FYB1: variants seen among roughly 807,000 people sequenced by gnomAD.
FYB1 encodes FYN binding protein 1.
FYB1 carries 41 observed loss-of-function variants against 94.1 expected under a neutral mutation model. That is an observed-to-expected ratio of 0.44 (90% CI 0.34 to 0.57). The LOEUF (loss-of-function observed/expected upper bound fraction) is 0.57, where lower values mean the gene tolerates loss of function less well. Among genes scored for constraint, FYB1 ranks in the 20% least tolerant of loss-of-function variants. FYB1 has a pLI of 0.02. For synonymous variants in FYB1, 367 were observed against 353.2 expected, an observed-to-expected ratio of 1.04 and a Z score of -0.44; for missense variants, 1,050 against 976.8, an observed-to-expected ratio of 1.07 and a Z score of -1.00.
intron 3 of FYB1, among the ~76,000 whole-genome samples, chr5:39,151,640 T>C (rs1427936745): frequency 6.6e-6 from 1 of 152,118 alleles, no homozygotes; most frequent in Non-Finnish European, 1.5e-5. Flanking sequence ...TTTGCAGGGG[T>C]CTTTGTTTGT....
At chr5:39,201,676 A>C in intron 2 of FYB1, 150 bp downstream of exon 2, 1 of 739,588 alleles carries the variant, frequency 1.4e-6, no homozygotes, top group Non-Finnish European at 2.1e-6. Flanking sequence ...TCCCACATGA[A>C]AGAAAAAAAC....
chr5:39,233,784 T>C (rs79376628), intron 1 of FYB1, among the ~76,000 whole-genome samples: 13,473 of 152,172 alleles, frequency 0.089, 691 homozygotes, highest in Non-Finnish European at 0.11. Flanking sequence ...CATACAGACA[T>C]GTAGTTGGAA....
chr5:39,178,950 C>T (rs1745976074), intron 2 of FYB1, among the ~76,000 whole-genome samples: 1 of 152,160 alleles, frequency 6.6e-6, no homozygotes, highest in Non-Finnish European at 1.5e-5. Context: ...CTATCTAGCC[C>T]TGGCTTTCCG....
Position 39,105,363 on chromosome 5 carries a change from C to A in FYB1, c.*2080G>T, listed in dbSNP as rs939695149. On this transcript the variant is annotated 3_prime_UTR_variant, in exon 19 of 19. Transcript: ENST00000512982. ...ATATTAAAATTAATACTTCAAATAT[C>A]TTTCACATTAAGATGATTATCTATT... 2.8e-4 allele frequency: 43 copies of A among 152,260 alleles called. No homozygotes were observed. Among genetic ancestry groups the A allele is most frequent in the African/African-American group, 1.0e-3 (43 of 41,552 alleles). 9.4% of individuals were successfully genotyped at this position (152,260 alleles called of 1,614,324 possible).
In FYB1 at chr5:39,245,602, C is replaced by CTTTTT. The variant is rs200601347; in HGVS notation, c.-28+28796_-28+28800dup. ...CAAGATGAGAAGGAAGAGGAAGAGG[C>CTTTTT]TTTTTTTTTTTTTGAGACGGAATGT... On this transcript the variant is annotated intron_variant, in intron 1 of 1. Coordinates refer to the FYB1 transcript ENST00000510188. 7.1e-3 allele frequency among the ~76,000 whole-genome samples: 999 copies of CTTTTT among 140,948 alleles called. 11 individuals carry two copies. Among genetic ancestry groups the CTTTTT allele is most frequent in the African/African-American group, 0.021 (841 of 39,524 alleles). 92.5% of individuals were successfully genotyped at this position (140,948 alleles called of 152,430 possible). A position where few individuals can be genotyped will look rare whatever the true frequency, so the allele number is the denominator to read the frequency against.
At chr5:39,236,846 A>G (rs1337531390) in intron 1 of FYB1, among the ~76,000 whole-genome samples, 2 of 152,068 alleles carry the variant, frequency 1.3e-5, no homozygotes, top group Non-Finnish European at 2.9e-5. Context: ...GTTGTCATCT[A>G]TCAAACAGAG....
intron 1 of FYB1, among the ~76,000 whole-genome samples, chr5:39,215,740 G>A (rs761639873): frequency 2.1e-4 from 32 of 152,196 alleles, no homozygotes; most frequent in Non-Finnish European, 3.5e-4. Context: ...GATTTAGCAC[G>A]AGTGAATGGG....
chr5:39,204,061 T>G (rs889046973), intron 1 of FYB1, among the ~76,000 whole-genome samples: 5 of 152,174 alleles, frequency 3.3e-5, no homozygotes, highest in African/African-American at 1.2e-4. Flanking sequence ...ACCCATAACA[T>G]GCTTTCCTAC....
intron 2 of FYB1, among the ~76,000 whole-genome samples, chr5:39,197,733 G>C (rs1441761660): frequency 2.2e-4 from 33 of 152,224 alleles, no homozygotes; most frequent in Admixed American, 2.2e-3. Flanking sequence ...CCTTCGCTTG[G>C]CTTCAGCCAG....
chr5:39,130,257 G>A (rs987287088), intron 10 of FYB1, among the ~76,000 whole-genome samples: 1 of 152,036 alleles, frequency 6.6e-6, no homozygotes, highest in Admixed American at 6.6e-5. Context: ...TGAGAGGGAT[G>A]TAAGAATGTG....
intron 1 of FYB1, among the ~76,000 whole-genome samples, chr5:39,247,096 A>ATATATATATATATATATATATT (rs1561306025): frequency 7.1e-6 from 1 of 140,788 alleles, no homozygotes; most frequent in African/African-American, 2.6e-5. Flanking sequence ...ATATATATAT[A>ATATATATATATATATATATATT]TATATATATA....
In FYB1 at chr5:39,182,287, ATGTGTGTG is replaced by A. The variant is rs57111701; in HGVS notation, c.1135+19531_1135+19538del. ...ATGCTTTTTGTGTGTGTGTGCATGC[ATGTGTGTG>A]TGTGTGTGTGTGTGTGTGTGTGTGT... On this transcript the variant is annotated intron_variant, in intron 2 of 18. Transcript: ENST00000512982. Among the ~76,000 whole-genome samples the A allele has an allele frequency of 4.1e-3, 571 of 140,250 alleles. 5 individuals are homozygous for A. Among genetic ancestry groups the A allele is most frequent in the East Asian group, 0.021 (95 of 4,502 alleles). 92.0% of individuals were successfully genotyped at this position (140,250 alleles called of 152,430 possible). A position where few individuals can be genotyped will look rare whatever the true frequency, so the allele number is the denominator to read the frequency against.
intron 1 of FYB1, among the ~76,000 whole-genome samples, chr5:39,243,334 G>A (rs1284995526): frequency 6.6e-6 from 1 of 151,694 alleles, no homozygotes; most frequent in African/African-American, 2.4e-5. Flanking sequence ...GTAAGGAAGG[G>A]ATCCAGTTTC....
chr5:39,220,587 T>A (rs966534958), upstream of FYB1, among the ~76,000 whole-genome samples: 1 of 152,158 alleles, frequency 6.6e-6, no homozygotes, highest in Non-Finnish European at 1.5e-5. Context: ...ATTGTGATTG[T>A]GAAATTAACC....
chr5:39,247,488 A>T (rs921678836), intron 1 of FYB1, among the ~76,000 whole-genome samples: 2 of 152,180 alleles, frequency 1.3e-5, no homozygotes, highest in African/African-American at 4.8e-5. Flanking sequence ...ATAAAAATTC[A>T]TAGTTTTGGC....
chr5:39,191,611 C>T (rs1287668435), intron 2 of FYB1, among the ~76,000 whole-genome samples: 1 of 152,102 alleles, frequency 6.6e-6, no homozygotes, highest in Admixed American at 6.5e-5. Flanking sequence ...ATCTTTCTCC[C>T]TTGGTGGCAA....
intron 1 of FYB1, among the ~76,000 whole-genome samples, chr5:39,240,821 T>C (rs1751172872): frequency 6.6e-6 from 1 of 152,210 alleles, no homozygotes; most frequent in South Asian, 2.1e-4. Flanking sequence ...CATTATTGGG[T>C]ATATACCCAA....
chr5:39,169,571 G>C lies in FYB1; in HGVS notation c.1136-15967C>G, dbSNP rs1236275238. ...GTTGAAAGACCAAGGAGGGCCAGATGCAGTGGCTCACGCCTGTAATCCCAG... is the reference window on the plus strand; with the variant it reads ...GTTGAAAGACCAAGGAGGGCCAGATCCAGTGGCTCACGCCTGTAATCCCAG... On this transcript the variant is annotated intron_variant, in intron 2 of 18. Coordinates refer to ENST00000512982, the MANE Select transcript of FYB1 (RefSeq NM_001465.6). 1.2e-5 allele frequency: 6 copies of C among 507,566 alleles called. No individual in the cohort carries two copies. In the Admixed American group the frequency reaches 1.3e-4, roughly 11 times the overall value. 31.4% of individuals were successfully genotyped at this position (507,566 alleles called of 1,614,324 possible).
chr5:39,173,122 G>T (rs545142547), intron 2 of FYB1, among the ~76,000 whole-genome samples: 2 of 152,052 alleles, frequency 1.3e-5, no homozygotes, highest in East Asian at 3.9e-4. Flanking sequence ...GTTGTTTTTT[G>T]ATTATTTTAA....
Sources: allele counts gnomAD v4.1 joint callset (sites outside exome capture counted in the v4.1 genomes callset), GRCh38; gene constraint gnomAD v4.1.1; transcripts MANE v1.5; gene names NCBI Gene and HGNC (gene_info 2026-07-23, HGNC 2026-07-21).